TMEM163: variants seen among roughly 807,000 people sequenced by gnomAD.
The protein encoded by TMEM163 is transmembrane protein 163.
In TMEM163, 17 loss-of-function variants were observed where a neutral mutation model predicts 29.3. The ratio of observed to expected loss-of-function variants is 0.58; its 90% CI spans 0.40 to 0.87. The LOEUF (loss-of-function observed/expected upper bound fraction) is 0.87, where lower values mean the gene tolerates loss of function less well. Ranked by LOEUF, TMEM163 falls within the 40% of genes least tolerant of loss-of-function variation. TMEM163 has a pLI of 0.00. For synonymous variants in TMEM163, 157 were observed against 160.6 expected (o/e 0.98, Z 0.17); for missense variants, 303 against 381.5 (o/e 0.79, Z 1.71).
At chr2:134,493,199 A>C (rs72853937) in intron 5 of TMEM163, among the ~76,000 whole-genome samples, 20,241 of 151,786 alleles carry the variant, frequency 0.13, 1,696 homozygotes, top group Middle Eastern at 0.3. Context: ...TTGCCTTCTT[A>C]AGCTATTCTT....
rs146812904 is a variant in TMEM163, at chr2:134,578,753, A to AGT, written c.323-26664_323-26663dup. ...GCCTAAGAGATAAATAACTGGTTTG[A>AGT]GTGTGTGTGTGTGCATGTGTGTGTG... On this transcript the variant is annotated intron_variant, in intron 2 of 7. Transcript: ENST00000281924. Among the ~76,000 whole-genome samples the AGT allele has an allele frequency of 1.2e-3, 182 of 151,958 alleles. No individual in the cohort carries two copies. The East Asian group carries it at 0.014, about 11-fold the overall frequency.
At chr2:134,511,153 C>CGGGGGGG (rs10639023) in intron 4 of TMEM163, among the ~76,000 whole-genome samples, 1 of 122,428 alleles carries the variant, frequency 8.2e-6, no homozygotes, top group African/African-American at 3.7e-5. Flanking sequence ...GAGAACAAGG[C>CGGGGGGG]GGGGGGGGGT....
intron 4 of TMEM163, among the ~76,000 whole-genome samples, chr2:134,516,678 C>CAT (rs1558930258): frequency 7.3e-6 from 1 of 137,548 alleles, no homozygotes; most frequent in African/African-American, 2.7e-5. Flanking sequence ...TATAGTCATA[C>CAT]ATATATGCAT....
chr2:134,707,359 T>C (rs1472974547), intron 2 of TMEM163, among the ~76,000 whole-genome samples: 3 of 152,192 alleles, frequency 2.0e-5, no homozygotes, highest in Non-Finnish European at 4.4e-5. Flanking sequence ...GAAAATGTCC[T>C]GAAGAACAAT....
intron 2 of TMEM163, among the ~76,000 whole-genome samples, chr2:134,574,640 G>A (rs1288680652): frequency 6.6e-6 from 1 of 152,138 alleles, no homozygotes; most frequent in Non-Finnish European, 1.5e-5. Context: ...TACTTGTCGG[G>A]GTCTTCCAGT....
chr2:134,547,853 A>T (rs1316477434), intron 4 of TMEM163, among the ~76,000 whole-genome samples: 1 of 152,218 alleles, frequency 6.6e-6, no homozygotes, highest in African/African-American at 2.4e-5. Flanking sequence ...GGATTATTAA[A>T]AACAGTGAAA....
At chr2:134,709,647 G>T (rs1684885321) in intron 2 of TMEM163, among the ~76,000 whole-genome samples, 1 of 151,754 alleles carries the variant, frequency 6.6e-6, no homozygotes, top group Admixed American at 6.6e-5. Flanking sequence ...AAATTTTAAG[G>T]CTCCCCAGTC....
intron 2 of TMEM163, among the ~76,000 whole-genome samples, chr2:134,664,119 G>A (rs1683820272): frequency 6.6e-6 from 1 of 152,194 alleles, no homozygotes; most frequent in Admixed American, 6.5e-5. Flanking sequence ...AAATGTCTCA[G>A]ACCAGCTTTC....
chr2:134,521,828 C>A (rs1680196990), intron 4 of TMEM163, among the ~76,000 whole-genome samples: 1 of 152,084 alleles, frequency 6.6e-6, no homozygotes, highest in Admixed American at 6.5e-5. Context: ...ATAACCCCTC[C>A]TAGGAGGCAG....
intron 2 of TMEM163, among the ~76,000 whole-genome samples, chr2:134,698,133 C>T (rs1173491569): frequency 1.3e-5 from 2 of 152,202 alleles, no homozygotes. Context: ...CGATGTTTAA[C>T]AGCATTCTTG....
chr2:134,539,849 A>T (rs1303054684), intron 4 of TMEM163, among the ~76,000 whole-genome samples: 1 of 152,232 alleles, frequency 6.6e-6, no homozygotes, highest in African/African-American at 2.4e-5. Flanking sequence ...AACACAGGAC[A>T]TCTGAGAAGG....
rs554338603 is a variant in TMEM163, at chr2:134,521,592, G to C, written c.459-18595C>G. Reference sequence around the variant, plus strand: ...TGTGCCTTTGACTTGGTGGTACCAAGGATAAGATTCCCAAGGCCATCAACT... The same window carrying C: ...TGTGCCTTTGACTTGGTGGTACCAACGATAAGATTCCCAAGGCCATCAACT... On this transcript the variant is annotated intron_variant, in intron 4 of 7. Coordinates refer to ENST00000281924, the MANE Select transcript of TMEM163 (RefSeq NM_030923.5). Among the ~76,000 whole-genome samples the C allele has an allele frequency of 2.0e-5, 3 of 152,254 alleles. No individual in the cohort carries two copies. In the East Asian group the frequency reaches 5.8e-4, roughly 29 times the overall value.
In TMEM163 at chr2:134,511,159, G is replaced by GGGT. The variant is rs367785569; in HGVS notation, c.459-8163_459-8162insACC. Among the ~76,000 whole-genome samples, 2 of 150,232 alleles carry GGGT rather than the reference G, an allele frequency of 1.3e-5. 1 individual carries two copies. The highest frequency in any genetic ancestry group is 3.0e-5 in the Non-Finnish European group (2 of 67,738). ...AAAAAAGGGGAGAACAAGGCGGGGG[G>GGGT]GGGTGCTGTTACTTTATATCCAGTA... On this transcript the variant is annotated intron_variant, in intron 4 of 7. Coordinates refer to ENST00000281924, the MANE Select transcript of TMEM163 (RefSeq NM_030923.5).
chr2:134,634,250 G>A (rs1041396286), intron 2 of TMEM163, among the ~76,000 whole-genome samples: 12 of 152,014 alleles, frequency 7.9e-5, no homozygotes, highest in Non-Finnish European at 1.0e-4. Context: ...GAAATGGGCT[G>A]CTCTCTGGAG....
chr2:134,538,793 G>C (rs1040106329), intron 4 of TMEM163, among the ~76,000 whole-genome samples: 1 of 152,196 alleles, frequency 6.6e-6, no homozygotes, highest in African/African-American at 2.4e-5. Flanking sequence ...CTAAGGACAG[G>C]AAATAGACAG....
At chr2:134,604,970 G>A (rs146251551) in intron 2 of TMEM163, among the ~76,000 whole-genome samples, 211 of 152,034 alleles carry the variant, frequency 1.4e-3, no homozygotes, top group African/African-American at 4.8e-3. Context: ...ACCAGAGGTC[G>A]GGATTTCGAG....
chr2:134,685,726 G>T (rs1164360239), intron 2 of TMEM163, among the ~76,000 whole-genome samples: 2 of 152,062 alleles, frequency 1.3e-5, no homozygotes, highest in African/African-American at 4.8e-5. Context: ...CCAAAACTAA[G>T]AATTCTCTGT....
Position 134,456,633 on chromosome 2 carries a change from C to T in TMEM163, c.*83G>A, listed in dbSNP as rs967943401. 1 of 1,509,020 alleles carries T rather than the reference C, an allele frequency of 6.6e-7. No homozygotes were observed. Among genetic ancestry groups the T allele is most frequent in the Non-Finnish European group, 9.1e-7 (1 of 1,096,176 alleles). The allele number at this position is 1,509,020 out of a possible 1,614,324, so 93.5% of individuals were successfully genotyped here. A position where few individuals can be genotyped will look rare whatever the true frequency, so the allele number is the denominator to read the frequency against. ...GTGAAAGAAAACTTCCAAAAAGAAA[C>T]CAGATGTTCAGTTAAATATTGGCAC... On this transcript the variant is annotated 3_prime_UTR_variant, in exon 8 of 8. Coordinates refer to ENST00000281924, the MANE Select transcript of TMEM163 (RefSeq NM_030923.5).
chr2:134,507,865 A>G (rs1356385653), intron 4 of TMEM163, among the ~76,000 whole-genome samples: 1 of 152,134 alleles, frequency 6.6e-6, no homozygotes, highest in African/African-American at 2.4e-5. Flanking sequence ...TCACACACAC[A>G]CACACACAGA....
Sources: gnomAD v4.1 joint callset for allele counts (sites outside exome capture counted in the v4.1 genomes callset) on GRCh38, gnomAD v4.1.1 for gene constraint, MANE v1.5 for transcripts, NCBI Gene and HGNC (gene_info 2026-07-23, HGNC 2026-07-21) for gene names.